The following CABIN1 variants were observed in gnomAD, a reference collection of about 807,000 sequenced individuals.
The protein encoded by CABIN1 is calcineurin binding protein 1, also known as calcineurin-binding protein cabin-1.
A neutral mutation model predicts 227.7 loss-of-function variants in CABIN1; 133 were observed. The observed-to-expected ratio is 0.58, with a 90% CI of 0.51 to 0.67. The LOEUF (loss-of-function observed/expected upper bound fraction) is 0.67, where lower values mean the gene tolerates loss of function less well. Among genes scored for constraint, CABIN1 ranks in the 30% least tolerant of loss-of-function variants. The pLI, the probability that CABIN1 is intolerant of heterozygous loss-of-function variation, is 0.00. For missense variants in CABIN1, 2,408 were observed against 2,852.5 expected, an observed-to-expected ratio of 0.84 and a Z score of 3.55; for synonymous variants, 1,086 against 1,155.1, an observed-to-expected ratio of 0.94 and a Z score of 1.21.
intron 1 of CABIN1, among the ~76,000 whole-genome samples, chr22:24,014,100 G>C (rs1360725245): frequency 6.6e-6 from 1 of 152,194 alleles, no homozygotes; most frequent in South Asian, 2.1e-4. Flanking sequence ...ACATTGAGAG[G>C]ACACAAATTC....
At chr22:24,091,938 C>T in intron 24 of CABIN1, 95 bp downstream of exon 24, 2 of 1,497,548 alleles carry the variant, frequency 1.3e-6, no homozygotes, top group South Asian at 2.4e-5. Flanking sequence ...CAGTGACCGT[C>T]CTTCAACCTG....
chr22:24,140,044 G>C (rs771224404), intron 29 of CABIN1, among the ~76,000 whole-genome samples: 1 of 152,228 alleles, frequency 6.6e-6, no homozygotes, highest in Non-Finnish European at 1.5e-5. Context: ...TCCCATGCAG[G>C]GTGGGGTGCT....
At chr22:24,165,025 T>TA (rs2046364956) in intron 30 of CABIN1, among the ~76,000 whole-genome samples, 1 of 152,190 alleles carries the variant, frequency 6.6e-6, no homozygotes, top group African/African-American at 2.4e-5. Context: ...AGCCATCTGT[T>TA]ACAGCTGCCA....
chr22:24,166,947 C>T lies in CABIN1; in HGVS notation c.5316C>T (p.Asp1772=). The part of the protein sequence containing the change: ...DTSEATVCHS[D]LERTPPLLPG... ...GTGAGGCCACTGTTTGCCACTCAGA[C>T]TTGGAGCGGACACCACCCCTGCTGC... The change falls in exon 32 of 37, where the codon GAC becomes GAT. Residue 1772 remains aspartate (D), a synonymous_variant. Coordinates refer to ENST00000263119, the MANE Select transcript of CABIN1 (RefSeq NM_012295.4). The T allele has an allele frequency of 6.3e-7, 1 of 1,598,164 alleles. No individual in the cohort carries two copies. The highest frequency in any genetic ancestry group is 8.5e-7 in the Non-Finnish European group (1 of 1,173,018).
At chr22:24,153,964 A>G (rs2045638010) in intron 29 of CABIN1, among the ~76,000 whole-genome samples, 1 of 152,138 alleles carries the variant, frequency 6.6e-6, no homozygotes, top group Middle Eastern at 3.2e-3. Context: ...TGGTAGGTGG[A>G]GTGGTGCCTG....
At position 24,087,612 on chromosome 22, in the gene CABIN1, C is replaced by T; in HGVS notation, c.3424C>T (p.Leu1142=). ...GGAGATTGACAGCTCCAACTTGTCC[C>T]TATGGATTGAGTATGGCACCATGTC... The part of the protein sequence containing the change: ...ALEIDSSNLS[L]WIEYGTMSYA... Residue 1142 remains leucine (L), a synonymous_variant, in exon 23 of 37, where the codon CTA becomes TTA. Coordinates refer to ENST00000263119, the MANE Select transcript of CABIN1 (RefSeq NM_012295.4). 5.6e-6 allele frequency: 9 copies of T among 1,614,224 alleles called. No individual in the cohort carries two copies. The highest frequency in any genetic ancestry group is 7.6e-6 in the Non-Finnish European group (9 of 1,180,032).
chr22:24,094,645 G>A lies in CABIN1; in HGVS notation c.3787-1286G>A, dbSNP rs543681299. On this transcript the variant is annotated intron_variant, in intron 24 of 36. Transcript: ENST00000263119. ...ATCCTGGCTAACAAGGTGAAACCCCGTCTCTACTAAAAATACAAAAAATTA... is the reference window on the plus strand; with the variant it reads ...ATCCTGGCTAACAAGGTGAAACCCCATCTCTACTAAAAATACAAAAAATTA... Among the ~76,000 whole-genome samples, 121 of 150,956 alleles carry A rather than the reference G, an allele frequency of 8.0e-4. 4 individuals carry two copies. The South Asian group carries it at 0.025, about 31-fold the overall frequency.
intron 8 of CABIN1, among the ~76,000 whole-genome samples, chr22:24,053,440 C>T (rs916153429): frequency 3.3e-5 from 5 of 151,864 alleles, no homozygotes; most frequent in South Asian, 2.1e-4. Context: ...TGCAGTGGTG[C>T]GATCTTGGCT....
intron 29 of CABIN1, 116 bp from the exon 30 acceptor site, chr22:24,164,284 G>A (rs1470907613): frequency 1.1e-5 from 14 of 1,300,262 alleles, no homozygotes; most frequent in Non-Finnish European, 1.3e-5. Context: ...AGAAGCCCCT[G>A]GCTGGGCAGT....
intron 4 of CABIN1, among the ~76,000 whole-genome samples, chr22:24,040,852 T>C (rs1239113921): frequency 6.6e-6 from 1 of 152,248 alleles, no homozygotes; most frequent in Non-Finnish European, 1.5e-5. Flanking sequence ...TTCGCTAGGC[T>C]TGAACCCTCA....
intron 31 of CABIN1, among the ~76,000 whole-genome samples, chr22:24,166,009 C>T (rs1258559994): frequency 6.6e-6 from 1 of 152,162 alleles, no homozygotes. Context: ...GCAGTACCTC[C>T]TTCTCACAGC....
intron 35 of CABIN1, among the ~76,000 whole-genome samples, chr22:24,176,998 A>G (rs939553110): frequency 3.3e-5 from 5 of 152,208 alleles, no homozygotes; most frequent in Non-Finnish European, 5.9e-5. Flanking sequence ...CCAGGCCTGC[A>G]ACTGGCCCAG....
intron 1 of CABIN1, among the ~76,000 whole-genome samples, chr22:24,023,440 C>A (rs2035863569): frequency 6.6e-6 from 1 of 152,188 alleles, no homozygotes; most frequent in African/African-American, 2.4e-5. Flanking sequence ...CCATGTCTGA[C>A]TTTTTGAGGA....
chr22:24,164,489 G>A lies in CABIN1; in HGVS notation c.4836G>A (p.Val1612=). 1 of 1,606,238 alleles carries A rather than the reference G, an allele frequency of 6.2e-7. No individual in the cohort carries two copies. Among genetic ancestry groups the A allele is most frequent in the Non-Finnish European group, 8.5e-7 (1 of 1,179,964 alleles). The part of the protein sequence containing the change: ...MNRSIVLLLK[V]LAQLRDHSTL... Reference sequence around the variant, plus strand: ...GCTCCATCGTGCTGCTGCTCAAGGTGCTGGCCCAGCTGCGGGACCACAGCA... The same window carrying A: ...GCTCCATCGTGCTGCTGCTCAAGGTACTGGCCCAGCTGCGGGACCACAGCA... The change falls in exon 30 of 37, where the codon GTG becomes GTA. Residue 1612 remains valine (V), a synonymous_variant. Coordinates refer to ENST00000263119, the MANE Select transcript of CABIN1 (RefSeq NM_012295.4).
intron 1 of CABIN1, among the ~76,000 whole-genome samples, chr22:24,024,095 A>G (rs1441491751): frequency 6.6e-6 from 1 of 152,028 alleles, no homozygotes; most frequent in Non-Finnish European, 1.5e-5. Flanking sequence ...AGTTCTTTAT[A>G]TATTCTGGAT....
chr22:24,118,164 G>A lies in CABIN1; in HGVS notation c.4301-1203G>A, dbSNP rs115739479. Among the ~76,000 whole-genome samples the A allele has an allele frequency of 7.1e-3, 1,079 of 152,294 alleles. 13 individuals carry two copies. Among genetic ancestry groups the A allele is most frequent in the African/African-American group, 0.025 (1,037 of 41,552 alleles). On this transcript the variant is annotated intron_variant, in intron 27 of 36. Transcript: ENST00000263119. Reference sequence around the variant, plus strand: ...ACACCACTGGGGGCAGCGATGCAGGGGAGGGAGAAGGGCAATGGCTCCAGG... The same window carrying A: ...ACACCACTGGGGGCAGCGATGCAGGAGAGGGAGAAGGGCAATGGCTCCAGG...
intron 3 of CABIN1, among the ~76,000 whole-genome samples, chr22:24,037,597 G>C (rs2037017490): frequency 1.3e-5 from 2 of 152,110 alleles, no homozygotes; most frequent in African/African-American, 4.8e-5. Context: ...TGCCTGGCCT[G>C]CAATGGAAAC....
intron 29 of CABIN1, among the ~76,000 whole-genome samples, chr22:24,149,406 G>A (rs535430016): frequency 7.2e-5 from 11 of 152,152 alleles, no homozygotes; most frequent in South Asian, 2.1e-4. Context: ...GGGCCTGCCC[G>A]GCACACAACA....
rs759603878 is a variant in CABIN1, at chr22:24,057,513, C to T, written c.1262+1153C>T. ...TGAGTTTATACCTTTTTTACTCCTT[C>T]GTTGTTACTGGAATGGAGTTTGGGA... is the stretch of plus-strand genomic sequence containing the variant. On this transcript the variant is annotated intron_variant, in intron 10 of 36. Coordinates refer to ENST00000263119, the MANE Select transcript of CABIN1 (RefSeq NM_012295.4). Among the ~76,000 whole-genome samples the T allele has an allele frequency of 2.8e-4, 42 of 152,268 alleles. 1 individual carries two copies. Among genetic ancestry groups the T allele is most frequent in the Non-Finnish European group, 6.0e-4 (41 of 68,020 alleles).
Sources: allele counts gnomAD v4.1 joint callset (sites outside exome capture counted in the v4.1 genomes callset), GRCh38; gene constraint gnomAD v4.1.1; transcripts MANE v1.5; gene names NCBI Gene and HGNC (gene_info 2026-07-23, HGNC 2026-07-21).